The following ADGRF3 variants were observed in gnomAD, a reference collection of about 807,000 sequenced individuals.
The protein encoded by ADGRF3 is G protein-coupled receptor 113.
Under a neutral mutation model 93.2 loss-of-function variants are expected in ADGRF3, and 85 were observed. That is an observed-to-expected ratio of 0.91 (90% confidence interval 0.77 to 1.09). The LOEUF (loss-of-function observed/expected upper bound fraction) is 1.09. Among genes scored for constraint, ADGRF3 ranks in the 50% least tolerant of loss-of-function variants. The probability of loss-of-function intolerance (pLI) is 0.00; values close to 1 mark genes in which losing one functional copy is unlikely to be tolerated. For synonymous variants in ADGRF3, 534 were observed against 532.5 expected, an observed-to-expected ratio of 1.00 and a Z score of -0.04; for missense variants, 1,125 against 1,246.2, an observed-to-expected ratio of 0.90 and a Z score of 1.46.
chr2:26,314,952 A>G (rs1345518653), intron 5 of ADGRF3: 1 of 297,366 alleles, frequency 3.4e-6, no homozygotes, highest in Non-Finnish European at 6.2e-6. Context: ...TTGAGACGGT[A>G]TTCTCCACAT....
At chr2:26,318,024 G>A in intron 1 of ADGRF3, 2 of 1,550,450 alleles carry the variant, frequency 1.3e-6, no homozygotes, top group Non-Finnish European at 1.7e-6. Context: ...CTCCTCCTCT[G>A]TCAGGGTGAG....
rs1010346150 is a variant in ADGRF3 at position 26,322,581 on chromosome 2, G to A, written c.115-5019C>T. Reference sequence around the variant, plus strand: ...AGAAAAGCTTGAAACATTTTTGCATGTACAGAGATATCTAGAAAAAGACTG... The same window carrying A: ...AGAAAAGCTTGAAACATTTTTGCATATACAGAGATATCTAGAAAAAGACTG... On this transcript the variant is annotated intron_variant, in intron 1 of 13. Coordinates refer to ENST00000651242, the MANE Select transcript of ADGRF3 (RefSeq NM_001321971.2). 1.1e-4 allele frequency among the ~76,000 whole-genome samples: 17 copies of A among 152,244 alleles called. No individual in the cohort carries two copies. In the Middle Eastern group the frequency reaches 0.01, roughly 91 times the overall value.
Position 26,312,084 on chromosome 2 carries a change from C to T in ADGRF3, c.1450-10G>A. 6.3e-7 allele frequency: 1 copy of T among 1,595,272 alleles called. No homozygotes were observed. The highest frequency in any genetic ancestry group is 8.5e-7 in the Non-Finnish European group (1 of 1,173,130). ...TGGCAATCAGGAGATTCTGCAGCAC[C>T]CAAAAGAAAGATGAACCCCGTCTGC... On this transcript the variant is annotated splice_polypyrimidine_tract_variant and intron_variant, in intron 9 of 13. Transcript: ENST00000651242.
rs1326995294 is a variant in ADGRF3 at position 26,314,433 on chromosome 2, G to A, written c.909C>T (p.Ser303=). The change falls in exon 6 of 14, where the codon AGC becomes AGT. Residue 303 remains serine (S), a synonymous_variant. Transcript: ENST00000651242. ...STNLAYTAAW[S]PGEGSKASSF... ...TCATACCTTTGCTGCCCTCTCCAGG[G>A]CTCCAGGCCGCGGTGTAGGCCAGGT... The A allele has an allele frequency of 6.2e-7, 1 of 1,613,766 alleles. No homozygotes were observed. The highest frequency in any genetic ancestry group is 1.7e-5 in the Admixed American group (1 of 60,026).
rs1673729851 is a variant in ADGRF3 at position 26,308,380 on chromosome 2, G to A, written c.*706C>T. The A allele has an allele frequency of 6.6e-6, 1 of 151,680 alleles. No homozygotes were observed. Among genetic ancestry groups the A allele is most frequent in the Admixed American group, 6.6e-5 (1 of 15,232 alleles). The allele number at this position is 151,680 out of a possible 1,614,324, so 9.4% of individuals were successfully genotyped here. A position where few individuals can be genotyped will look rare whatever the true frequency, so the allele number is the denominator to read the frequency against. On this transcript the variant is annotated 3_prime_UTR_variant, in exon 14 of 14. Coordinates refer to ENST00000651242, the MANE Select transcript of ADGRF3 (RefSeq NM_001321971.2). ...ATAGATATCTTGGTGTCTTCAAAAA[G>A]ATTTTCTTCTAGTATTCATTTTTAA...
intron 1 of ADGRF3, among the ~76,000 whole-genome samples, chr2:26,339,410 C>T (rs751349942): frequency 2.0e-5 from 3 of 150,588 alleles, no homozygotes; most frequent in Admixed American, 6.6e-5. Flanking sequence ...GCTTGAGAAT[C>T]GCTTGATCCC....
intron 2 of ADGRF3, 48 bp downstream of exon 2, chr2:26,317,448 C>T (rs2147885204): frequency 2.0e-6 from 3 of 1,534,358 alleles, no homozygotes; most frequent in South Asian, 1.2e-5. Context: ...ACCTCATTCC[C>T]AGCTCCCATC....
intron 1 of ADGRF3, among the ~76,000 whole-genome samples, chr2:26,332,777 T>C (rs1391007979): frequency 8.0e-6 from 1 of 124,888 alleles, no homozygotes; most frequent in East Asian, 1.9e-4. Flanking sequence ...AAACTTTATG[T>C]TAATTTTTTT....
chr2:26,333,290 C>T (rs1178621909), intron 1 of ADGRF3, among the ~76,000 whole-genome samples: 1 of 150,658 alleles, frequency 6.6e-6, no homozygotes. Flanking sequence ...AGGATGGGCT[C>T]CTTGAGTCCA....
At chr2:26,335,353 C>A (rs1675980252) in intron 1 of ADGRF3, among the ~76,000 whole-genome samples, 1 of 152,208 alleles carries the variant, frequency 6.6e-6, no homozygotes, top group Non-Finnish European at 1.5e-5. Flanking sequence ...CGTGCTGTAG[C>A]ATATATCATT....
Position 26,329,277 on chromosome 2 carries a change from T to C in ADGRF3, c.115-11715A>G, listed in dbSNP as rs550230527. Among the ~76,000 whole-genome samples the C allele has an allele frequency of 1.1e-4, 17 of 152,312 alleles. No individual in the cohort carries two copies. In the South Asian group the frequency reaches 3.5e-3, roughly 32 times the overall value. ...CTGGGTAGCTGGCACCACAGGTGTG[T>C]GTCATCACGCTTGGCTAATTTTTAT... On this transcript the variant is annotated intron_variant, in intron 1 of 13. Coordinates refer to ENST00000651242, the MANE Select transcript of ADGRF3 (RefSeq NM_001321971.2).
chr2:26,313,226 C>T, intron 8 of ADGRF3, 104 bp from the exon 9 acceptor site: 1 of 1,472,100 alleles, frequency 6.8e-7, no homozygotes. Context: ...AGCCCTCTCA[C>T]TCCTACTTCC....
At chr2:26,337,342 C>T (rs1300546015) in intron 1 of ADGRF3, among the ~76,000 whole-genome samples, 1 of 152,196 alleles carries the variant, frequency 6.6e-6, no homozygotes, top group Non-Finnish European at 1.5e-5. Context: ...ATTGTTCTCC[C>T]AGCTTCATTG....
Position 26,316,941 on chromosome 2 carries a change from G to A in ADGRF3, c.296C>T (p.Pro99Leu). Residue 99 changes from proline to leucine, a missense_variant, in exon 3 of 14, where the codon CCT (proline) becomes CTT (leucine). Transcript: ENST00000651242. The stretch of plus-strand genomic sequence containing the variant: ...TGTGAGTCTGAGGCCAGTGAGAAGA[G>A]GCCTTGGGGAAGAGGAAGCTGAGGC... ...PAASASSSPRPLLTGLRLTTE... is the reference protein window; with the variant it reads ...PAASASSSPRLLLTGLRLTTE... The A allele has an allele frequency of 1.2e-6, 2 of 1,612,530 alleles. No homozygotes were observed. Among genetic ancestry groups the A allele is most frequent in the Admixed American group, 1.7e-5 (1 of 59,506 alleles).
At chr2:26,309,283 G>A (rs1673822397) in intron 13 of ADGRF3, 176 bp from the exon 14 acceptor site, 2 of 1,546,956 alleles carry the variant, frequency 1.3e-6, no homozygotes, top group African/African-American at 1.4e-5. Context: ...AGGACTGGTG[G>A]TGGTGAAACT....
chr2:26,331,410 C>CG (rs2147912184), intron 1 of ADGRF3, among the ~76,000 whole-genome samples: 1 of 152,148 alleles, frequency 6.6e-6, no homozygotes, highest in African/African-American at 2.4e-5. Flanking sequence ...ATTAGCTGGG[C>CG]GGGGTGGCAC....
chr2:26,346,078 A>T, intron 1 of ADGRF3, 43 bp downstream of exon 1: 1 of 1,534,594 alleles, frequency 6.5e-7, no homozygotes, highest in Non-Finnish European at 8.8e-7. Context: ...GAAGGGGCCG[A>T]GGCGGCTACG....
rs139421076 is a variant in ADGRF3, at chr2:26,310,206, A to G, written c.2864T>C (p.Met955Thr). The change falls in exon 11 of 14, where the codon ATG (methionine) becomes ACG (threonine). Residue 955 changes from methionine (M) to threonine (T), a missense_variant. Coordinates refer to ENST00000651242, the MANE Select transcript of ADGRF3 (RefSeq NM_001321971.2). ...GVFILLFGCL[M>T]DRKIQEALRK... ...GGTGGGCAGACTTACCTTCCTGTCC[A>G]TGAGGCAACCAAACAATAGGATGAA... is the stretch of plus-strand genomic sequence containing the variant. 1,088 of 1,614,026 alleles carry G rather than the reference A, an allele frequency of 6.7e-4. No homozygotes were observed. Among genetic ancestry groups the G allele is most frequent in the Non-Finnish European group, 7.7e-4 (911 of 1,179,894 alleles).
chr2:26,341,011 T>G (rs1444469387), intron 1 of ADGRF3, among the ~76,000 whole-genome samples: 1 of 152,176 alleles, frequency 6.6e-6, no homozygotes, highest in African/African-American at 2.4e-5. Context: ...TCTGAATGTT[T>G]AAACTGTCTC....
Sources: allele counts gnomAD v4.1 joint callset (sites outside exome capture counted in the v4.1 genomes callset), GRCh38; gene constraint gnomAD v4.1.1; transcripts MANE v1.5; gene names NCBI Gene and HGNC (gene_info 2026-07-23, HGNC 2026-07-21).